EPHA6: variants seen among roughly 807,000 people sequenced by gnomAD.
EPHA6 encodes the protein ephrin type-A receptor 6.
Under a neutral mutation model 112.0 loss-of-function variants are expected in EPHA6, and 50 were observed. That is an observed-to-expected ratio of 0.45 (90% CI 0.36 to 0.56). The LOEUF is 0.56. Ranked by LOEUF, EPHA6 falls within the 20% of genes least tolerant of loss-of-function variation. EPHA6 has a pLI of 0.00. For missense variants in EPHA6, 1,280 were observed against 1,417.4 expected, an observed-to-expected ratio of 0.90 and a Z score of 1.56; for synonymous variants, 529 against 490.7, an observed-to-expected ratio of 1.08 and a Z score of -1.03.
At chr3:97,549,876 T>G (rs774994251) in intron 11 of EPHA6, among the ~76,000 whole-genome samples, 3 of 152,114 alleles carry the variant, frequency 2.0e-5, no homozygotes, top group Non-Finnish European at 2.9e-5. Flanking sequence ...CCATCTATGT[T>G]GAATTTCCTG....
chr3:97,516,056 A>G (rs1284777857), intron 10 of EPHA6, among the ~76,000 whole-genome samples: 5 of 152,228 alleles, frequency 3.3e-5, no homozygotes, highest in Admixed American at 6.5e-5. Context: ...CATGTTCTCT[A>G]TGGTATCGGT....
At chr3:97,639,403 A>G (rs1457086486) in intron 14 of EPHA6, among the ~76,000 whole-genome samples, 1 of 152,010 alleles carries the variant, frequency 6.6e-6, no homozygotes, top group Non-Finnish European at 1.5e-5. Flanking sequence ...TTTTGAAGTT[A>G]TAGAACAACG....
At chr3:96,971,295 CTTAA>C (rs111707005) in intron 2 of EPHA6, among the ~76,000 whole-genome samples, 4,434 of 152,044 alleles carry the variant, frequency 0.029, 213 homozygotes, top group African/African-American at 0.098. Flanking sequence ...AATTGTAAAA[CTTAA>C]TTAGACTCAG....
At chr3:97,212,018 T>C (rs1446830961) in intron 3 of EPHA6, among the ~76,000 whole-genome samples, 1 of 152,230 alleles carries the variant, frequency 6.6e-6, no homozygotes, top group East Asian at 1.9e-4. Flanking sequence ...AGTTACTGGA[T>C]GTATTCTTTT....
chr3:97,417,330 A>G (rs879888497), intron 6 of EPHA6, among the ~76,000 whole-genome samples: 1 of 152,084 alleles, frequency 6.6e-6, no homozygotes, highest in African/African-American at 2.4e-5. Flanking sequence ...TTTTCCTGAC[A>G]CACTGTAATC....
intron 2 of EPHA6, among the ~76,000 whole-genome samples, chr3:96,890,055 A>G (rs142550556): frequency 1.7e-3 from 252 of 152,214 alleles, no homozygotes; most frequent in Non-Finnish European, 2.4e-3. Flanking sequence ...GAAAGATGCA[A>G]TTATAAAGCT....
intron 11 of EPHA6, among the ~76,000 whole-genome samples, chr3:97,562,864 C>A (rs1042472089): frequency 6.6e-6 from 1 of 152,152 alleles, no homozygotes; most frequent in African/African-American, 2.4e-5. Flanking sequence ...CAAGGCAACA[C>A]CCTCCACCAG....
At chr3:96,834,241 A>T (rs1045118827) in intron 1 of EPHA6, among the ~76,000 whole-genome samples, 2 of 151,978 alleles carry the variant, frequency 1.3e-5, no homozygotes, top group African/African-American at 4.8e-5. Flanking sequence ...ATTACACAGG[A>T]AAAAATGAAA....
intron 5 of EPHA6, among the ~76,000 whole-genome samples, chr3:97,296,377 C>T (rs950330064): frequency 3.9e-5 from 6 of 152,096 alleles, no homozygotes; most frequent in African/African-American, 1.2e-4. Context: ...GGAAGGTATG[C>T]CTGTTCTGTT....
chr3:97,496,029 T>C (rs377359785), intron 10 of EPHA6, among the ~76,000 whole-genome samples: 3 of 152,206 alleles, frequency 2.0e-5, no homozygotes, highest in Non-Finnish European at 2.9e-5. Flanking sequence ...AACAGCTCTG[T>C]TGACTTTTTG....
chr3:96,899,270 A>G (rs796854338), intron 2 of EPHA6, among the ~76,000 whole-genome samples: 3 of 152,138 alleles, frequency 2.0e-5, no homozygotes, highest in South Asian at 2.1e-4. Flanking sequence ...TCTTCCCCCT[A>G]TGTATATCTG....
chr3:97,237,926 T>C (rs2078728571), intron 4 of EPHA6, among the ~76,000 whole-genome samples: 1 of 152,008 alleles, frequency 6.6e-6, no homozygotes, highest in East Asian at 1.9e-4. Flanking sequence ...GTGCTCTTTT[T>C]CTCATTTGTG....
chr3:96,815,867 C>T (rs577523738), intron 1 of EPHA6, among the ~76,000 whole-genome samples: 1 of 152,228 alleles, frequency 6.6e-6, no homozygotes, highest in African/African-American at 2.4e-5. Context: ...TATTCTAAGT[C>T]CTTTCAGACT....
intron 2 of EPHA6, among the ~76,000 whole-genome samples, chr3:96,933,609 A>G (rs1005623439): frequency 3.3e-4 from 51 of 152,282 alleles, no homozygotes; most frequent in African/African-American, 1.2e-3. Flanking sequence ...ACACCTTGTA[A>G]GAAGTGGGAA....
chr3:97,526,361 G>C (rs1033007936), intron 10 of EPHA6, among the ~76,000 whole-genome samples: 5 of 152,190 alleles, frequency 3.3e-5, no homozygotes, highest in Admixed American at 3.3e-4. Flanking sequence ...CATGTCTCCT[G>C]GTGGGATTCC....
At chr3:96,966,660 T>C (rs2042130635) in intron 2 of EPHA6, among the ~76,000 whole-genome samples, 1 of 152,054 alleles carries the variant, frequency 6.6e-6, no homozygotes, top group South Asian at 2.1e-4. Flanking sequence ...TTTCCAGAAT[T>C]GATTAAGGAT....
chr3:97,126,463 C>G (rs1224368410), intron 3 of EPHA6, among the ~76,000 whole-genome samples: 1 of 152,164 alleles, frequency 6.6e-6, no homozygotes, highest in African/African-American at 2.4e-5. Flanking sequence ...CTGCTTTATT[C>G]TTGGCATTTA....
intron 3 of EPHA6, among the ~76,000 whole-genome samples, chr3:97,172,799 G>T (rs536006044): frequency 6.6e-6 from 1 of 151,888 alleles, no homozygotes; most frequent in Admixed American, 6.6e-5. Context: ...TTGAATAATA[G>T]CATCATCAAT....
At chr3:97,047,603 A>G (rs1350544975) in intron 3 of EPHA6, among the ~76,000 whole-genome samples, 2 of 151,864 alleles carry the variant, frequency 1.3e-5, no homozygotes, top group Non-Finnish European at 2.9e-5. Context: ...AAGTCTGGAA[A>G]TAGGAAAACT....
Sources: allele counts gnomAD v4.1 joint callset (sites outside exome capture counted in the v4.1 genomes callset), GRCh38; gene constraint gnomAD v4.1.1; transcripts MANE v1.5; gene names NCBI Gene and HGNC (gene_info 2026-07-23, HGNC 2026-07-21).